SFMBT1: variants seen among roughly 807,000 people sequenced by gnomAD.
SFMBT1 encodes Scm like with four mbt domains 1.
SFMBT1 carries 32 observed loss-of-function variants against 108.7 expected under a neutral mutation model. That is an observed-to-expected ratio of 0.29 (90% CI 0.22 to 0.40). SFMBT1 has a LOEUF of 0.40. Ranked by LOEUF, SFMBT1 falls within the 10% of genes least tolerant of loss-of-function variation. SFMBT1 has a pLI of 1.00. For missense variants in SFMBT1, 816 were observed against 1,059.6 expected (o/e 0.77, Z 3.19); for synonymous variants, 348 against 369.5 (o/e 0.94, Z 0.67).
Position 52,943,599 on chromosome 3 carries a change from C to T in SFMBT1, c.124-6G>A. 1.2e-6 allele frequency: 2 copies of T among 1,614,256 alleles called. No individual in the cohort carries two copies. Among genetic ancestry groups the T allele is most frequent in the Non-Finnish European group, 1.7e-6 (2 of 1,180,046 alleles). On this transcript the variant is annotated splice_polypyrimidine_tract_variant and splice_region_variant and intron_variant, in intron 3 of 20. Coordinates refer to ENST00000394752, the MANE Select transcript of SFMBT1 (RefSeq NM_016329.4). Reference sequence around the variant, plus strand: ...TTTTGCAAACGTGTGTCCACCTTAACAGGGAAATGTTATTAAGCACCAGAC... The same window carrying T: ...TTTTGCAAACGTGTGTCCACCTTAATAGGGAAATGTTATTAAGCACCAGAC...
intron 1 of SFMBT1, chr3:53,019,191 G>A (rs1699220640): frequency 1.3e-5 from 2 of 152,188 alleles, no homozygotes; most frequent in South Asian, 4.1e-4. Context: ...CTACTGGGGA[G>A]GCTGAGGTGG....
At position 52,943,714 on chromosome 3, in the gene SFMBT1, G is replaced by T. The variant is rs892341360; in HGVS notation, c.124-121C>A. 8 of 1,290,364 alleles carry T rather than the reference G, an allele frequency of 6.2e-6. No individual in the cohort carries two copies. In the African/African-American group the frequency reaches 1.0e-4, roughly 17 times the overall value. The allele number at this position is 1,290,364 out of a possible 1,614,324, so 79.9% of individuals were successfully genotyped here. ...TAAATGCAATAACATCTCAAGGAAAGCCTGAGAAATTCCAATTCTAACTTA... is the reference window on the plus strand; with the variant it reads ...TAAATGCAATAACATCTCAAGGAAATCCTGAGAAATTCCAATTCTAACTTA... On this transcript the variant is annotated intron_variant, in intron 3 of 20. Coordinates refer to ENST00000394752, the MANE Select transcript of SFMBT1 (RefSeq NM_016329.4).
chr3:53,017,634 A>T (rs1269239607), intron 1 of SFMBT1, among the ~76,000 whole-genome samples: 1 of 152,250 alleles, frequency 6.6e-6, no homozygotes, highest in African/African-American at 2.4e-5. Flanking sequence ...AGGAACTTAA[A>T]GAGCAACTTG....
At chr3:52,958,027 T>A (rs1370923711) in intron 2 of SFMBT1, among the ~76,000 whole-genome samples, 2 of 152,052 alleles carry the variant, frequency 1.3e-5, no homozygotes, top group Non-Finnish European at 2.9e-5. Context: ...ACAGACAACC[T>A]AAAGAATGGG....
chr3:52,906,362 T>C (rs1029304551), intron 19 of SFMBT1, 121 bp from the exon 20 acceptor site: 19 of 1,474,118 alleles, frequency 1.3e-5, no homozygotes, highest in African/African-American at 2.8e-5. Context: ...AGGACATGAT[T>C]TCTCCCAGCA....
chr3:52,972,666 G>A (rs543838305), intron 1 of SFMBT1, among the ~76,000 whole-genome samples: 5 of 151,916 alleles, frequency 3.3e-5, no homozygotes, highest in Non-Finnish European at 7.4e-5. Flanking sequence ...CCAGCACTTT[G>A]AGAGGCCGAG....
intron 12 of SFMBT1, among the ~76,000 whole-genome samples, chr3:52,919,523 A>G (rs1702455825): frequency 6.6e-6 from 1 of 152,192 alleles, no homozygotes; most frequent in Non-Finnish European, 1.5e-5. Flanking sequence ...TTGATTGCTA[A>G]TGAGTATAGG....
rs776952012 is a variant in SFMBT1, at chr3:52,907,296, C to G, written c.2104G>C (p.Glu702Gln). Residue 702 changes from glutamate to glutamine, a missense_variant, in exon 19 of 21, where the codon GAG (glutamate) becomes CAG (glutamine). This residue lies in a region of SFMBT1 where 177 missense variants were observed against 182.0 expected (regional missense o/e 0.97). Transcript: ENST00000394752. ...GSPQGSGGED[E>Q]DDPDEGDDDS... is the part of the protein sequence containing the mutation. ...TCATCCCCTTCATCTGGGTCATCCT[C>G]ATCTTCACCCCCACTTCCCTGCAGG... The G allele has an allele frequency of 6.2e-7, 1 of 1,613,360 alleles. No homozygotes were observed. The highest frequency in any genetic ancestry group is 1.1e-5 in the South Asian group (1 of 91,028).
intron 1 of SFMBT1, chr3:53,043,022 C>T (rs1408404130): frequency 2.0e-5 from 3 of 152,234 alleles, no homozygotes; most frequent in Non-Finnish European, 4.4e-5. Context: ...GACTATTCCC[C>T]ATGGATCCCT....
intron 1 of SFMBT1, among the ~76,000 whole-genome samples, chr3:53,037,609 T>C (rs1323650334): frequency 1.3e-5 from 2 of 152,156 alleles, no homozygotes; most frequent in African/African-American, 2.4e-5. Flanking sequence ...ACAACAATAA[T>C]ACACCCGAAG....
At chr3:53,005,552 T>A (rs1698710172) in intron 1 of SFMBT1, among the ~76,000 whole-genome samples, 1 of 152,060 alleles carries the variant, frequency 6.6e-6, no homozygotes, top group Non-Finnish European at 1.5e-5. Flanking sequence ...CCTCAAATGA[T>A]CCTCCCACCT....
At chr3:52,966,234 G>A (rs1368024643) in intron 2 of SFMBT1, among the ~76,000 whole-genome samples, 4 of 149,350 alleles carry the variant, frequency 2.7e-5, no homozygotes, top group South Asian at 2.1e-4. Flanking sequence ...GGAGAATGGC[G>A]TGAACCCGGG....
chr3:52,993,168 T>C (rs550855703), intron 1 of SFMBT1, among the ~76,000 whole-genome samples: 9 of 150,970 alleles, frequency 6.0e-5, no homozygotes, highest in African/African-American at 1.7e-4. Context: ...TTTTTTTCTA[T>C]GCAAAAGCCT....
chr3:53,031,305 A>C (rs558428582), intron 1 of SFMBT1, among the ~76,000 whole-genome samples: 1 of 152,318 alleles, frequency 6.6e-6, no homozygotes, highest in African/African-American at 2.4e-5. Context: ...CCCCACACCC[A>C]CACAGAACCA....
At chr3:52,977,442 C>T (rs532155013) in intron 1 of SFMBT1, among the ~76,000 whole-genome samples, 3 of 151,934 alleles carry the variant, frequency 2.0e-5, no homozygotes, top group African/African-American at 7.2e-5. Flanking sequence ...ACCCAGGAGG[C>T]GGAGGTTGCA....
At chr3:53,041,889 A>C (rs1217255034) in intron 1 of SFMBT1, among the ~76,000 whole-genome samples, 1 of 152,104 alleles carries the variant, frequency 6.6e-6, no homozygotes, top group South Asian at 2.1e-4. Context: ...TATTATTTTC[A>C]AATACAAAAT....
At chr3:52,916,550 T>A (rs1431613466) in intron 13 of SFMBT1, among the ~76,000 whole-genome samples, 1 of 151,610 alleles carries the variant, frequency 6.6e-6, no homozygotes. Flanking sequence ...GCACCTGTAG[T>A]CCCAGCTACT....
chr3:52,928,365 A>C (rs757185165), intron 8 of SFMBT1, 24 bp from the exon 9 acceptor site: 1 of 1,609,646 alleles, frequency 6.2e-7, no homozygotes, highest in African/African-American at 1.3e-5. Context: ...TAATAGATGA[A>C]ATAGACAAAT....
chr3:53,014,331 G>A (rs1255009861), intron 1 of SFMBT1, among the ~76,000 whole-genome samples: 3 of 152,140 alleles, frequency 2.0e-5, no homozygotes, highest in Admixed American at 6.5e-5. Context: ...TAGGTGAGGC[G>A]CAGCGGCTCA....
Sources: allele counts gnomAD v4.1 joint callset (sites outside exome capture counted in the v4.1 genomes callset), GRCh38; gene constraint gnomAD v4.1.1; regional missense constraint gnomAD v4.1.1; transcripts MANE v1.5; gene names NCBI Gene and HGNC (gene_info 2026-07-23, HGNC 2026-07-21).